The following ZFPM2 variants were observed in gnomAD, a reference collection of about 807,000 sequenced individuals.
ZFPM2 encodes the protein zinc finger protein, FOG family member 2.
Under a neutral mutation model 98.6 loss-of-function variants are expected in ZFPM2, and 20 were observed. That is an observed-to-expected ratio of 0.20 (90% CI 0.14 to 0.29). The LOEUF is 0.29. Among genes scored for constraint, ZFPM2 ranks in the 10% least tolerant of loss-of-function variants. ZFPM2 has a pLI of 1.00. For missense variants in ZFPM2, 1,310 were observed against 1,388.6 expected, an observed-to-expected ratio of 0.94 and a Z score of 0.90; for synonymous variants, 518 against 502.7, an observed-to-expected ratio of 1.03 and a Z score of -0.41.
rs556419364 is a variant in ZFPM2 at position 105,629,833 on chromosome 8, A to AT, written c.421-4406dup. 4.9e-4 allele frequency among the ~76,000 whole-genome samples: 75 copies of AT among 152,114 alleles called. 2 individuals are homozygous for AT. The highest frequency in any genetic ancestry group is 3.1e-3 in the South Asian group (15 of 4,808). On this transcript the variant is annotated intron_variant, in intron 4 of 7. Transcript: ENST00000407775. ...TTTAAAGGTAGCAAAAGCAGATGGCATTTTTTTCATGTTGAATCTCTTGGA... is the reference window on the plus strand; with the variant it reads ...TTTAAAGGTAGCAAAAGCAGATGGCATTTTTTTTCATGTTGAATCTCTTGGA...
At chr8:105,672,401 T>A (rs1429490001) in intron 5 of ZFPM2, among the ~76,000 whole-genome samples, 1 of 152,012 alleles carries the variant, frequency 6.6e-6, no homozygotes, top group Non-Finnish European at 1.5e-5. Flanking sequence ...TTCTTTATAT[T>A]ATGAAATTCA....
At chr8:105,715,497 A>G (rs1025947268) in intron 5 of ZFPM2, among the ~76,000 whole-genome samples, 6 of 151,952 alleles carry the variant, frequency 3.9e-5, no homozygotes, top group Admixed American at 3.3e-4. Context: ...ATGGATTTTA[A>G]TATTGTATAC....
At position 105,483,591 on chromosome 8, in the gene ZFPM2, AAAAAAAAAAAAAATGTTTACGTTCAGTT is replaced by A. The variant is rs1356938836; in HGVS notation, c.301+39211_301+39238del. Among the ~76,000 whole-genome samples the A allele has an allele frequency of 5.0e-5, 7 of 138,812 alleles. No individual in the cohort carries two copies. The East Asian group carries it at 1.4e-3, about 27-fold the overall frequency. 91.1% of individuals were successfully genotyped at this position (138,812 alleles called of 152,430 possible). A position where few individuals can be genotyped will look rare whatever the true frequency, so the allele number is the denominator to read the frequency against. ...GGTGACAAAGTGGGAGTCCATCTCAAAAAAAAAAAAAAATGTTTACGTTCAGTTGATTTCTCATAGATCTTTGAAGATA... is the reference window on the plus strand; with the variant it reads ...GGTGACAAAGTGGGAGTCCATCTCAAGATTTCTCATAGATCTTTGAAGATA... On this transcript the variant is annotated intron_variant, in intron 3 of 7. Transcript: ENST00000407775.
At chr8:105,400,305 C>T (rs1308869100) in intron 1 of ZFPM2, among the ~76,000 whole-genome samples, 1 of 151,410 alleles carries the variant, frequency 6.6e-6, no homozygotes, top group Non-Finnish European at 1.5e-5. Flanking sequence ...GGTACATGTG[C>T]ACATTGTGCA....
At chr8:105,427,715 C>T (rs1242025431) in intron 2 of ZFPM2, among the ~76,000 whole-genome samples, 1 of 152,098 alleles carries the variant, frequency 6.6e-6, no homozygotes, top group African/African-American at 2.4e-5. Flanking sequence ...ATAAACTCAG[C>T]CACTTTTTGT....
chr8:105,546,919 C>T (rs1380341715), intron 3 of ZFPM2, among the ~76,000 whole-genome samples: 1 of 152,068 alleles, frequency 6.6e-6, no homozygotes, highest in Non-Finnish European at 1.5e-5. Context: ...TATATTTTCT[C>T]CTTATTATCT....
At chr8:105,331,956 C>T (rs1470638620) in intron 1 of ZFPM2, among the ~76,000 whole-genome samples, 2 of 151,730 alleles carry the variant, frequency 1.3e-5, no homozygotes, top group Non-Finnish European at 3.0e-5. Flanking sequence ...AACTTTTGAT[C>T]ATGGACTACC....
At chr8:105,742,307 G>A (rs1157866843) in intron 5 of ZFPM2, among the ~76,000 whole-genome samples, 2 of 148,086 alleles carry the variant, frequency 1.4e-5, no homozygotes, top group African/African-American at 5.0e-5. Context: ...GAGCCCAGTA[G>A]TTCAAGGCTG....
At chr8:105,341,374 T>G (rs1812428423) in intron 1 of ZFPM2, among the ~76,000 whole-genome samples, 1 of 151,850 alleles carries the variant, frequency 6.6e-6, no homozygotes, top group African/African-American at 2.4e-5. Context: ...TGAATTTCTA[T>G]CACAAAATAT....
intron 1 of ZFPM2, among the ~76,000 whole-genome samples, chr8:105,386,124 A>G (rs927563730): frequency 3.9e-5 from 6 of 152,306 alleles, no homozygotes; most frequent in African/African-American, 1.2e-4. Flanking sequence ...TGGGGGCAGG[A>G]GGGCTAGAGA....
At chr8:105,467,061 A>T (rs1283636645) in intron 3 of ZFPM2, among the ~76,000 whole-genome samples, 18 of 152,066 alleles carry the variant, frequency 1.2e-4, no homozygotes, top group Admixed American at 1.2e-3. Context: ...CAAGAGAAAC[A>T]TCGTATGTAT....
intron 3 of ZFPM2, among the ~76,000 whole-genome samples, chr8:105,487,186 C>T (rs1184123653): frequency 6.6e-6 from 1 of 152,152 alleles, no homozygotes; most frequent in Admixed American, 6.5e-5. Flanking sequence ...AATCATGGCT[C>T]ACTGTAGCCT....
At chr8:105,561,276 A>G (rs1197962313) in intron 3 of ZFPM2, 87 bp from the exon 4 acceptor site, 1 of 943,050 alleles carries the variant, frequency 1.1e-6, no homozygotes, top group Non-Finnish European at 1.7e-6. Context: ...TGAGAATATC[A>G]TGTGTGTAAA....
At chr8:105,523,020 G>C (rs1176095125) in intron 3 of ZFPM2, among the ~76,000 whole-genome samples, 1 of 152,036 alleles carries the variant, frequency 6.6e-6, no homozygotes, top group African/African-American at 2.4e-5. Context: ...TTAAATGCTA[G>C]GTCTAGTTCT....
At chr8:105,479,437 G>C (rs919353615) in intron 3 of ZFPM2, among the ~76,000 whole-genome samples, 2 of 152,120 alleles carry the variant, frequency 1.3e-5, no homozygotes, top group African/African-American at 4.8e-5. Context: ...TCTGGCTTCT[G>C]ATTCTGCACC....
At chr8:105,499,610 G>A (rs144617304) in intron 3 of ZFPM2, among the ~76,000 whole-genome samples, 3,544 of 152,244 alleles carry the variant, frequency 0.023, 85 homozygotes, top group Non-Finnish European at 0.034. Flanking sequence ...CAAGCTCTCT[G>A]TACTTTCCAC....
At chr8:105,506,032 A>C (rs1254690515) in intron 3 of ZFPM2, among the ~76,000 whole-genome samples, 2 of 152,186 alleles carry the variant, frequency 1.3e-5, no homozygotes, top group Non-Finnish European at 2.9e-5. Context: ...CCCCAAAGTC[A>C]AGTGTAAAGA....
At chr8:105,769,268 T>C (rs945521442) in intron 5 of ZFPM2, among the ~76,000 whole-genome samples, 4 of 152,048 alleles carry the variant, frequency 2.6e-5, no homozygotes, top group African/African-American at 9.7e-5. Flanking sequence ...GCATTTCTGC[T>C]GAGCTAGACT....
chr8:105,544,348 T>G (rs1223538745), intron 3 of ZFPM2, among the ~76,000 whole-genome samples: 3 of 152,216 alleles, frequency 2.0e-5, no homozygotes, highest in Non-Finnish European at 4.4e-5. Flanking sequence ...GATTTGTAAT[T>G]GGAGTCTTCC....
Sources: allele counts gnomAD v4.1 joint callset (sites outside exome capture counted in the v4.1 genomes callset), GRCh38; gene constraint gnomAD v4.1.1; transcripts MANE v1.5; gene names NCBI Gene and HGNC (gene_info 2026-07-23, HGNC 2026-07-21).